Variants in TMEM117 observed in about 807,000 individuals in gnomAD.
TMEM117 encodes the protein transmembrane protein 117.
Under a neutral mutation model 52.4 loss-of-function variants are expected in TMEM117, and 27 were observed. The ratio of observed to expected loss-of-function variants is 0.51; its 90% CI spans 0.38 to 0.71. The LOEUF is 0.71. TMEM117 is among the 30% of genes least tolerant of loss of function. TMEM117 has a pLI of 0.00. For synonymous variants in TMEM117, 215 were observed against 206.3 expected (o/e 1.04, Z -0.36); for missense variants, 556 against 630.5 (o/e 0.88, Z 1.26).
intron 3 of TMEM117, chr12:44,009,988 G>T: frequency 3.1e-6 from 1 of 322,994 alleles, no homozygotes. Flanking sequence ...CAGAAGGTCT[G>T]GAAGTGCCTG....
chr12:44,037,948 C>T (rs1419086798), intron 3 of TMEM117, among the ~76,000 whole-genome samples: 1 of 152,036 alleles, frequency 6.6e-6, no homozygotes, highest in Non-Finnish European at 1.5e-5. Flanking sequence ...CCCTGGGGGT[C>T]TCCTCTCCAC....
intron 2 of TMEM117, among the ~76,000 whole-genome samples, chr12:43,884,116 A>G (rs1018264792): frequency 2.6e-5 from 4 of 151,024 alleles, no homozygotes; most frequent in Non-Finnish European, 4.4e-5. Flanking sequence ...AGCCTGGGCA[A>G]CAGAGTGATA....
intron 4 of TMEM117, among the ~76,000 whole-genome samples, chr12:44,146,880 T>C (rs1371073579): frequency 6.6e-6 from 1 of 152,174 alleles, no homozygotes; most frequent in East Asian, 1.9e-4. Context: ...TTTATGGAAA[T>C]AATTCAAAAC....
chr12:43,856,310 T>C (rs1277003199), intron 2 of TMEM117, among the ~76,000 whole-genome samples: 1 of 152,226 alleles, frequency 6.6e-6, no homozygotes, highest in African/African-American at 2.4e-5. Context: ...AACCAGTCTG[T>C]ATGGAGTTCT....
intron 2 of TMEM117, among the ~76,000 whole-genome samples, chr12:43,903,550 A>G (rs1020324447): frequency 2.0e-5 from 3 of 152,234 alleles, no homozygotes; most frequent in African/African-American, 7.2e-5. Flanking sequence ...TATCTACTGA[A>G]GTTGGCAGCT....
chr12:44,190,796 A>C (rs1363046425), intron 4 of TMEM117, among the ~76,000 whole-genome samples: 1 of 151,486 alleles, frequency 6.6e-6, no homozygotes, highest in African/African-American at 2.4e-5. Context: ...TTTGTTACCG[A>C]AGCATGAATG....
At chr12:44,367,924 C>T (rs553128679) in intron 6 of TMEM117, among the ~76,000 whole-genome samples, 3 of 152,228 alleles carry the variant, frequency 2.0e-5, no homozygotes, top group Admixed American at 6.5e-5. Context: ...AAATGGCTGT[C>T]ATTTCACACC....
At chr12:43,987,227 G>A (rs560600962) in intron 3 of TMEM117, among the ~76,000 whole-genome samples, 1 of 152,258 alleles carries the variant, frequency 6.6e-6, no homozygotes, top group Admixed American at 6.5e-5. Flanking sequence ...GCCAGTCAAG[G>A]AGAGAGCCTC....
At chr12:44,088,221 T>C (rs2138034806) in intron 3 of TMEM117, among the ~76,000 whole-genome samples, 1 of 152,324 alleles carries the variant, frequency 6.6e-6, no homozygotes, top group Non-Finnish European at 1.5e-5. Context: ...TTTAGGAATT[T>C]CTGTATAAAT....
At chr12:43,797,219 G>T in the TMEM117 span, 1 of 1,482,900 alleles carries the variant, frequency 6.7e-7, no homozygotes, top group South Asian at 1.3e-5. Flanking sequence ...TAAGCCCTCT[G>T]GGCAAGAAAT....
chr12:44,056,347 CTT>C (rs1565810108), intron 3 of TMEM117, among the ~76,000 whole-genome samples: 2 of 152,068 alleles, frequency 1.3e-5, no homozygotes, highest in South Asian at 4.1e-4. Context: ...CATTGACACA[CTT>C]TTCCAAACCT....
At chr12:44,039,555 A>G (rs1302237644) in intron 3 of TMEM117, among the ~76,000 whole-genome samples, 1 of 151,998 alleles carries the variant, frequency 6.6e-6, no homozygotes, top group Non-Finnish European at 1.5e-5. Context: ...CAATCCATGT[A>G]TAGATAAATT....
chr12:44,344,623 A>T (rs1170184733), intron 6 of TMEM117, among the ~76,000 whole-genome samples: 1 of 152,094 alleles, frequency 6.6e-6, no homozygotes, highest in Non-Finnish European at 1.5e-5. Context: ...ATCTGGGTGG[A>T]GATACTATTT....
intron 3 of TMEM117, among the ~76,000 whole-genome samples, chr12:44,097,120 AT>A (rs1947779178): frequency 6.6e-6 from 1 of 152,238 alleles, no homozygotes; most frequent in Non-Finnish European, 1.5e-5. Flanking sequence ...AAAAATGCTC[AT>A]CATCACTGGC....
intron 2 of TMEM117, among the ~76,000 whole-genome samples, chr12:43,863,053 A>G (rs4768049): frequency 0.73 from 111,285 of 152,060 alleles, 43,749 homozygotes; most frequent in East Asian, 0.94. Flanking sequence ...CTAGCATTTC[A>G]GGAGGCCTGT....
chr12:43,819,875 C>T, the TMEM117 span, among the ~76,000 whole-genome samples: 1 of 152,198 alleles, frequency 6.6e-6, no homozygotes, highest in Admixed American at 6.5e-5. Flanking sequence ...ACTCTGTAGG[C>T]TGATGCTGAA....
rs558990147 is a variant in TMEM117, at chr12:43,981,432, G to A, written c.410+37090G>A. ...GAAGGATGAATGGATCATAGTTATA[G>A]AGCTTCAGTTGGGGCTTAATATAAG... On this transcript the variant is annotated intron_variant, in intron 3 of 7. Coordinates refer to ENST00000266534, the MANE Select transcript of TMEM117 (RefSeq NM_032256.3). Among the ~76,000 whole-genome samples, 214 of 152,282 alleles carry A rather than the reference G, an allele frequency of 1.4e-3. 1 individual carries two copies. The Middle Eastern group carries it at 0.017, about 12-fold the overall frequency.
chr12:44,136,188 G>A (rs756983307), intron 3 of TMEM117, among the ~76,000 whole-genome samples: 2 of 151,996 alleles, frequency 1.3e-5, no homozygotes, highest in Non-Finnish European at 2.9e-5. Flanking sequence ...ATTCCTTTGG[G>A]GATTTATTGG....
intron 2 of TMEM117, among the ~76,000 whole-genome samples, chr12:43,888,377 T>A (rs1944036440): frequency 6.6e-6 from 1 of 152,158 alleles, no homozygotes. Flanking sequence ...GCCATACAAC[T>A]ATTTTATAAT....
Sources: gnomAD v4.1 joint callset for allele counts (sites outside exome capture counted in the v4.1 genomes callset) on GRCh38, gnomAD v4.1.1 for gene constraint, MANE v1.5 for transcripts, NCBI Gene and HGNC (gene_info 2026-07-23, HGNC 2026-07-21) for gene names.